The following CDH13 variants were observed in gnomAD, a reference collection of about 807,000 sequenced individuals.
The protein encoded by CDH13 is cadherin 13.
In CDH13, 24 loss-of-function variants were observed where a neutral mutation model predicts 63.8. The observed-to-expected ratio is 0.38, with a 90% CI of 0.27 to 0.53. The LOEUF (loss-of-function observed/expected upper bound fraction) is 0.53, where lower values mean the gene tolerates loss of function less well. Ranked by LOEUF, CDH13 falls within the 20% of genes least tolerant of loss-of-function variation. The pLI is 0.85. For synonymous variants in CDH13, 503 were observed against 355.3 expected, an observed-to-expected ratio of 1.42 and a Z score of -4.67; for missense variants, 1,049 against 903.1, an observed-to-expected ratio of 1.16 and a Z score of -2.07.
chr16:83,076,721 C>T (rs747248955), intron 3 of CDH13, among the ~76,000 whole-genome samples: 4 of 152,068 alleles, frequency 2.6e-5, no homozygotes, highest in Admixed American at 6.6e-5. Flanking sequence ...ATGTAACACT[C>T]CACCCCCTAA....
chr16:82,692,952 C>A (rs1915782972), intron 1 of CDH13, among the ~76,000 whole-genome samples: 1 of 152,156 alleles, frequency 6.6e-6, no homozygotes, highest in African/African-American at 2.4e-5. Flanking sequence ...AGGGAGGTGT[C>A]TTCTGTGATC....
chr16:82,992,367 T>A (rs554395542), intron 2 of CDH13, among the ~76,000 whole-genome samples: 34 of 152,324 alleles, frequency 2.2e-4, no homozygotes, highest in African/African-American at 7.9e-4. Flanking sequence ...AAATGGAGAT[T>A]TTGATATATA....
chr16:82,895,328 G>T (rs192903755), intron 2 of CDH13, among the ~76,000 whole-genome samples: 119 of 152,222 alleles, frequency 7.8e-4, no homozygotes, highest in Non-Finnish European at 8.8e-4. Context: ...TCCCTGGCTT[G>T]TTACCCTCCC....
chr16:83,664,474 T>G (rs1567496782), intron 8 of CDH13, among the ~76,000 whole-genome samples: 1 of 150,988 alleles, frequency 6.6e-6, no homozygotes, highest in Non-Finnish European at 1.5e-5. Flanking sequence ...TGTTTAAAAT[T>G]TTTATGTAAA....
chr16:83,658,648 C>T (rs1185153557), intron 8 of CDH13, among the ~76,000 whole-genome samples: 1 of 151,470 alleles, frequency 6.6e-6, no homozygotes, highest in Non-Finnish European at 1.5e-5. Context: ...GTCCTCACCA[C>T]CAGGTCCCAT....
intron 6 of CDH13, among the ~76,000 whole-genome samples, chr16:83,407,188 C>G (rs1009471258): frequency 2.0e-5 from 3 of 152,212 alleles, no homozygotes; most frequent in Non-Finnish European, 2.9e-5. Flanking sequence ...ATGTCAGATG[C>G]AAGTGGACTC....
intron 1 of CDH13, chr16:82,646,385 G>A (rs1183416197): frequency 6.6e-6 from 1 of 152,100 alleles, no homozygotes; most frequent in East Asian, 1.9e-4. Context: ...ATTGAGATGG[G>A]GTTTGACCAT....
chr16:83,457,601 CA>C (rs2073058509), intron 6 of CDH13, among the ~76,000 whole-genome samples: 1 of 152,124 alleles, frequency 6.6e-6, no homozygotes, highest in African/African-American at 2.4e-5. Flanking sequence ...ATGACATCCA[CA>C]GTAGCAATAA....
Position 83,167,219 on chromosome 16 carries a change from G to T in CDH13, c.483+41718G>T, listed in dbSNP as rs192885585. 2.0e-3 allele frequency among the ~76,000 whole-genome samples: 306 copies of T among 151,472 alleles called. 6 individuals are homozygous for T. Among genetic ancestry groups the T allele is most frequent in the Admixed American group, 0.016 (245 of 15,172 alleles). ...TAGTATTAAAAAAAAAAAAAAGGCC[G>T]GGCACAGTGGCTCACGCCTGTAATC... On this transcript the variant is annotated intron_variant, in intron 4 of 13. Transcript: ENST00000567109.
chr16:83,360,879 A>G (rs532512138), intron 6 of CDH13, among the ~76,000 whole-genome samples: 3 of 152,248 alleles, frequency 2.0e-5, no homozygotes, highest in South Asian at 2.1e-4. Flanking sequence ...GGTTGATTCC[A>G]TGTCTTTGCT....
At chr16:83,681,543 C>A (rs1348347892) in intron 10 of CDH13, among the ~76,000 whole-genome samples, 1 of 152,178 alleles carries the variant, frequency 6.6e-6, no homozygotes, top group Non-Finnish European at 1.5e-5. Context: ...TGGACACCCC[C>A]TTTCCCCTCC....
chr16:83,167,372 C>T (rs2151722091), intron 4 of CDH13, among the ~76,000 whole-genome samples: 1 of 151,902 alleles, frequency 6.6e-6, no homozygotes, highest in South Asian at 2.1e-4. Flanking sequence ...TGGTGCATAC[C>T]TGTAATCCCA....
intron 2 of CDH13, among the ~76,000 whole-genome samples, chr16:82,877,855 A>G (rs540741464): frequency 6.7e-6 from 1 of 150,030 alleles, no homozygotes; most frequent in African/African-American, 2.5e-5. Context: ...GAAGACCTGA[A>G]CCTCTAGGAC....
chr16:83,520,642 C>T (rs2151618598), intron 7 of CDH13, among the ~76,000 whole-genome samples: 1 of 152,290 alleles, frequency 6.6e-6, no homozygotes, highest in East Asian at 1.9e-4. Context: ...TTTATGTTTG[C>T]CGCTCAATTG....
chr16:83,508,069 AAGG>A (rs2074449007), intron 7 of CDH13, among the ~76,000 whole-genome samples: 1 of 55,658 alleles, frequency 1.8e-5, no homozygotes, highest in Non-Finnish European at 3.7e-5. Context: ...GGAAGGAAGG[AAGG>A]AAGGAAGGAA....
At chr16:83,724,416 T>C (rs1567552355) in intron 10 of CDH13, among the ~76,000 whole-genome samples, 1 of 123,792 alleles carries the variant, frequency 8.1e-6, no homozygotes, top group Non-Finnish European at 1.9e-5. Flanking sequence ...GATGAATGCA[T>C]AGGTGAGTGA....
chr16:83,331,261 C>G (rs944847021), intron 5 of CDH13, among the ~76,000 whole-genome samples: 1 of 152,198 alleles, frequency 6.6e-6, no homozygotes, highest in African/African-American at 2.4e-5. Flanking sequence ...AGAGTGATAA[C>G]AGCGATGGCT....
At chr16:83,561,534 A>G (rs191576446) in intron 7 of CDH13, among the ~76,000 whole-genome samples, 1 of 152,224 alleles carries the variant, frequency 6.6e-6, no homozygotes, top group East Asian at 1.9e-4. Flanking sequence ...AGCACAATAT[A>G]AGAAGAAAGA....
intron 6 of CDH13, among the ~76,000 whole-genome samples, chr16:83,458,921 GA>G (rs2073096183): frequency 6.6e-6 from 1 of 152,218 alleles, no homozygotes; most frequent in Non-Finnish European, 1.5e-5. Flanking sequence ...ATATTGTCAA[GA>G]GAAGGGTATA....
Sources: allele counts gnomAD v4.1 joint callset (sites outside exome capture counted in the v4.1 genomes callset), GRCh38; gene constraint gnomAD v4.1.1; transcripts MANE v1.5; gene names NCBI Gene and HGNC (gene_info 2026-07-23, HGNC 2026-07-21).